The following PRELID2 variants were observed in gnomAD, a reference collection of about 807,000 sequenced individuals.
The protein encoded by PRELID2 is PRELI domain containing 2.
In PRELID2, 25 loss-of-function variants were observed where a neutral mutation model predicts 28.4. The observed-to-expected ratio is 0.88, with a 90% CI of 0.64 to 1.23. The LOEUF is 1.23. Among genes scored for constraint, PRELID2 ranks in the 50% most tolerant of loss-of-function variants. The pLI is 0.00. For synonymous variants in PRELID2, 76 were observed against 71.6 expected (o/e 1.06, Z -0.31); for missense variants, 201 against 214.4 (o/e 0.94, Z 0.39).
chr5:145,611,381 C>T (rs1753614498), intron 1 of PRELID2, among the ~76,000 whole-genome samples: 1 of 152,134 alleles, frequency 6.6e-6, no homozygotes, highest in Non-Finnish European at 1.5e-5. Flanking sequence ...CCAGGCTGGT[C>T]TCCAACTCCT....
the PRELID2 span, among the ~76,000 whole-genome samples, chr5:145,411,104 GA>G: frequency 3.9e-5 from 6 of 152,148 alleles, no homozygotes; most frequent in Non-Finnish European, 8.8e-5. Flanking sequence ...TGCTGATAAA[GA>G]CATACCCGAG....
chr5:145,462,291 C>T, the PRELID2 span, among the ~76,000 whole-genome samples: 1 of 152,212 alleles, frequency 6.6e-6, no homozygotes, highest in African/African-American at 2.4e-5. Flanking sequence ...TACATAGCTC[C>T]AAAAAGAAAA....
chr5:145,357,127 C>CAAA, the PRELID2 span, among the ~76,000 whole-genome samples: 1 of 152,106 alleles, frequency 6.6e-6, no homozygotes, highest in Non-Finnish European at 1.5e-5. Context: ...TGATGGGGTT[C>CAAA]CCTTTGTAGG....
intron 1 of PRELID2, among the ~76,000 whole-genome samples, chr5:145,717,985 T>G (rs936056396): frequency 6.6e-6 from 1 of 151,954 alleles, no homozygotes; most frequent in African/African-American, 2.4e-5. Flanking sequence ...ATAGCTACTG[T>G]CGACTCTTAA....
chr5:145,311,965 T>C, the PRELID2 span, among the ~76,000 whole-genome samples: 2 of 152,158 alleles, frequency 1.3e-5, no homozygotes, highest in Non-Finnish European at 2.9e-5. Context: ...TTGATATATA[T>C]GTATACACTG....
At chr5:145,318,350 C>A in the PRELID2 span, among the ~76,000 whole-genome samples, 2 of 152,112 alleles carry the variant, frequency 1.3e-5, no homozygotes, top group East Asian at 1.9e-4. Flanking sequence ...ACTCTCATGA[C>A]CTGAGTTTTA....
At chr5:145,778,736 C>G (rs1758579871) in intron 5 of PRELID2, among the ~76,000 whole-genome samples, 1 of 152,200 alleles carries the variant, frequency 6.6e-6, no homozygotes, top group Admixed American at 6.5e-5. Context: ...CCACGCCTGA[C>G]TCACAGTCTC....
intron 1 of PRELID2, among the ~76,000 whole-genome samples, chr5:145,674,551 G>A (rs1754776356): frequency 1.3e-5 from 2 of 152,126 alleles, no homozygotes; most frequent in Admixed American, 1.3e-4. Flanking sequence ...GTTTTAATAA[G>A]TGGTATTGAG....
intron 1 of PRELID2, among the ~76,000 whole-genome samples, chr5:145,570,381 T>A (rs1046693483): frequency 6.6e-6 from 1 of 152,146 alleles, no homozygotes; most frequent in Non-Finnish European, 1.5e-5. Context: ...CAAAGCTCAT[T>A]TCCACTCACT....
At chr5:145,484,996 C>T (rs1752202904) in intron 1 of PRELID2, among the ~76,000 whole-genome samples, 1 of 152,244 alleles carries the variant, frequency 6.6e-6, no homozygotes, top group East Asian at 1.9e-4. Context: ...TAGAGAAATT[C>T]GTCGTTGTCA....
At chr5:145,779,070 G>T (rs528949024) in intron 5 of PRELID2, among the ~76,000 whole-genome samples, 1 of 152,138 alleles carries the variant, frequency 6.6e-6, no homozygotes, top group South Asian at 2.1e-4. Flanking sequence ...TATAGAAAGC[G>T]CCTCTGTTTT....
the PRELID2 span, among the ~76,000 whole-genome samples, chr5:145,253,487 T>A: frequency 6.6e-6 from 1 of 152,062 alleles, no homozygotes; most frequent in South Asian, 2.1e-4. Context: ...TAGGAGGAGA[T>A]CCATCTGACA....
intron 1 of PRELID2, among the ~76,000 whole-genome samples, chr5:145,731,817 A>C (rs552088173): frequency 5.3e-5 from 8 of 152,192 alleles, no homozygotes; most frequent in South Asian, 4.1e-4. Flanking sequence ...CCCTGATTCC[A>C]GGGGGAAATC....
Position 145,519,899 on chromosome 5 carries a change from T to C in PRELID2, n.71-46584A>G, listed in dbSNP as rs962643119. Among the ~76,000 whole-genome samples the C allele has an allele frequency of 2.8e-4, 42 of 152,232 alleles. 1 individual carries two copies. The highest frequency in any genetic ancestry group is 9.4e-4 in the African/African-American group (39 of 41,466). On this transcript the variant is annotated intron_variant and non_coding_transcript_variant, in intron 1 of 2. Transcript: ENST00000510259. ...AAAATTACAATTGAAACATCTCAAA[T>C]GGTATTATTGTGAAACTCATTAAGA... is the stretch of plus-strand genomic sequence containing the variant.
chr5:145,571,265 G>A lies in PRELID2; in HGVS notation n.71-97950C>T, dbSNP rs966412554. Reference sequence around the variant, plus strand: ...TCTAAGCCCTGCAACTGTCAGAATGGGCACTTCCTCTTGGCCAAGGGCATT... The same window carrying A: ...TCTAAGCCCTGCAACTGTCAGAATGAGCACTTCCTCTTGGCCAAGGGCATT... On this transcript the variant is annotated intron_variant and non_coding_transcript_variant, in intron 1 of 2. Transcript: ENST00000510259. Among the ~76,000 whole-genome samples, 11 of 152,080 alleles carry A rather than the reference G, an allele frequency of 7.2e-5. 1 individual carries two copies. In the East Asian group the frequency reaches 2.1e-3, roughly 29 times the overall value.
the PRELID2 span, among the ~76,000 whole-genome samples, chr5:145,260,507 G>A: frequency 0.082 from 12,556 of 152,222 alleles, 1,123 homozygotes; most frequent in African/African-American, 0.23. Context: ...TAACAGCCAA[G>A]TAGAAATTTT....
At chr5:145,282,766 G>C in the PRELID2 span, among the ~76,000 whole-genome samples, 2 of 152,050 alleles carry the variant, frequency 1.3e-5, no homozygotes, top group African/African-American at 4.8e-5. Flanking sequence ...TGATCTGCCT[G>C]CCTCTGCCTC....
At chr5:145,367,025 C>A in the PRELID2 span, among the ~76,000 whole-genome samples, 8 of 151,892 alleles carry the variant, frequency 5.3e-5, no homozygotes, top group East Asian at 1.4e-3. Flanking sequence ...GCATTTTTTC[C>A]CTCATCTAGT....
the PRELID2 span, among the ~76,000 whole-genome samples, chr5:145,273,096 G>T: frequency 6.6e-6 from 1 of 152,088 alleles, no homozygotes; most frequent in East Asian, 1.9e-4. Context: ...ATCCTAAAGG[G>T]CAAGGGAAAC....
Sources: allele counts gnomAD v4.1 joint callset (sites outside exome capture counted in the v4.1 genomes callset), GRCh38; gene constraint gnomAD v4.1.1; transcripts MANE v1.5; gene names NCBI Gene and HGNC (gene_info 2026-07-23, HGNC 2026-07-21).